The following CELSR1 variants were observed in gnomAD, a reference collection of about 807,000 sequenced individuals.
The protein encoded by CELSR1 is cadherin EGF LAG seven-pass G-type receptor 1.
In CELSR1, 110 loss-of-function variants were observed where a neutral mutation model predicts 249.1. The ratio of observed to expected loss-of-function variants is 0.44; its 90% CI spans 0.38 to 0.52. The LOEUF (loss-of-function observed/expected upper bound fraction) is 0.52, where lower values mean the gene tolerates loss of function less well. Among genes scored for constraint, CELSR1 ranks in the 20% least tolerant of loss-of-function variants. CELSR1 has a pLI of 0.00. For synonymous variants in CELSR1, 2,113 were observed against 1,900.0 expected (o/e 1.11, Z -2.92); for missense variants, 4,109 against 4,296.4 (o/e 0.96, Z 1.22).
In CELSR1 at chr22:46,363,052, T is replaced by G; in HGVS notation, c.*171A>C. 1 of 1,378,854 alleles carries G rather than the reference T, an allele frequency of 7.3e-7. No individual in the cohort carries two copies. The highest frequency in any genetic ancestry group is 1.2e-5 in the South Asian group (1 of 83,792). The allele number at this position is 1,378,854 out of a possible 1,614,324, so 85.4% of individuals were successfully genotyped here. A position where few individuals can be genotyped will look rare whatever the true frequency, so the allele number is the denominator to read the frequency against. On this transcript the variant is annotated 3_prime_UTR_variant, in exon 35 of 35. Coordinates refer to ENST00000674500, the MANE Select transcript of CELSR1 (RefSeq NM_001378328.1). The surrounding 1 kb of genome is among the most constrained non-coding windows in gnomAD (Gnocchi z 4.3). ...AACCAAGACCTTTGTGTCTGGATGA[T>G]CAGTCGGGGGGCTGCCACCATGGGG...
At chr22:46,531,085 G>A (rs1569222566) in intron 1 of CELSR1, among the ~76,000 whole-genome samples, 1 of 152,164 alleles carries the variant, frequency 6.6e-6, no homozygotes, top group Non-Finnish European at 1.5e-5. Context: ...TTTTCTATCC[G>A]GTGCTTTGCT....
Position 46,528,564 on chromosome 22 carries a change from C to T in CELSR1, c.3544+5063G>A, listed in dbSNP as rs76618026. Reference sequence around the variant, plus strand: ...CACACTCAAAGTGAATTAAAAATGACGTGGCCCGGCCACAGATGACTGGAG... The same window carrying T: ...CACACTCAAAGTGAATTAAAAATGATGTGGCCCGGCCACAGATGACTGGAG... On this transcript the variant is annotated intron_variant, in intron 1 of 34. Coordinates refer to ENST00000674500, the MANE Select transcript of CELSR1 (RefSeq NM_001378328.1). Among the ~76,000 whole-genome samples the T allele has an allele frequency of 5.8e-3, 878 of 152,282 alleles. 5 individuals are homozygous for T. The highest frequency in any genetic ancestry group is 0.01 in the Non-Finnish European group (696 of 68,026).
chr22:46,464,295 T>C lies in CELSR1; in HGVS notation c.3595A>G (p.Thr1199Ala), dbSNP rs766536439. The change falls in exon 2 of 35, where the codon ACG becomes GCG. Residue 1199 changes from threonine (T) to alanine (A), a missense_variant. By Grantham distance (58) the Thr-to-Ala change is moderately conservative. This residue lies in a region of CELSR1 where 886 missense variants were observed against 896.5 expected (regional missense o/e 0.99). Coordinates refer to ENST00000674500, the MANE Select transcript of CELSR1 (RefSeq NM_001378328.1). This position sits in a 1 kb window ranked among gnomAD's most constrained non-coding sequence, Gnocchi z 8.5. Reference protein sequence around the residue: ...AFCTLRVTIITDDMLTNSITV... With the variant: ...AFCTLRVTIIADDMLTNSITV... ...ATGCTGTTGGTCAGCATGTCGTCCG[T>C]GATGATGGTGACACGCAGGGTGCAG... The C allele has an allele frequency of 6.2e-7, 1 of 1,613,390 alleles. No homozygotes were observed.
rs549736996 is a variant in CELSR1, at chr22:46,396,901, G to T, written c.5702-155C>A. ...GTGCCACAGAGTCCCCGAAAACACA[G>T]CGTTAGGCGGGTTAGACTTAGTGAT... is the stretch of plus-strand genomic sequence containing the variant. On this transcript the variant is annotated intron_variant, in intron 12 of 34. Coordinates refer to ENST00000674500, the MANE Select transcript of CELSR1 (RefSeq NM_001378328.1). The surrounding 1 kb of genome is among the most constrained non-coding windows in gnomAD (Gnocchi z 6.4). Among the ~76,000 whole-genome samples, 1 of 152,290 alleles carries T rather than the reference G, an allele frequency of 6.6e-6. No homozygotes were observed. Among genetic ancestry groups the T allele is most frequent in the African/African-American group, 2.4e-5 (1 of 41,562 alleles).
rs546400273 is a variant in CELSR1, at chr22:46,473,696, G to A, written c.3545-9351C>T. Among the ~76,000 whole-genome samples, 5 of 152,330 alleles carry A rather than the reference G, an allele frequency of 3.3e-5. No homozygotes were observed. The highest frequency in any genetic ancestry group is 1.2e-4 in the African/African-American group (5 of 41,576). ...AGCTGGTAAGAGACACAGGGTGCGT[G>A]CCTGTCCTTCCCGAGGCCTTCACAG... On this transcript the variant is annotated intron_variant, in intron 1 of 34. Coordinates refer to ENST00000674500, the MANE Select transcript of CELSR1 (RefSeq NM_001378328.1). This position sits in a 1 kb window ranked among gnomAD's most constrained non-coding sequence, Gnocchi z 6.6.
At chr22:46,414,693 G>A (rs146686771) in intron 5 of CELSR1, among the ~76,000 whole-genome samples, 4 of 152,338 alleles carry the variant, frequency 2.6e-5, no homozygotes, top group South Asian at 2.1e-4. Flanking sequence ...GCATGGACAC[G>A]GTGCTGTGGG....
intron 1 of CELSR1, among the ~76,000 whole-genome samples, chr22:46,529,568 C>G (rs562514944): frequency 6.6e-6 from 1 of 151,972 alleles, no homozygotes; most frequent in Non-Finnish European, 1.5e-5. Context: ...TTTGGGAGGC[C>G]AAGGCAGGCA....
At position 46,536,472 on chromosome 22, in the gene CELSR1, G is replaced by T; in HGVS notation, c.699C>A (p.Ala233=). Residue 233 remains alanine, a synonymous_variant, in exon 1 of 35, where the codon GCC becomes GCA. Transcript: ENST00000674500. The stretch of plus-strand genomic sequence containing the variant: ...TCCCTCTGCCGCTCGTGCCCCGCCG[G>T]GCCCGTCGCGCCGGCCCCGCCCGGG... ...PEARAGPARR[A]RRGTSGRGSL... 6.2e-7 allele frequency: 1 copy of T among 1,605,184 alleles called. No homozygotes were observed. The highest frequency in any genetic ancestry group is 1.1e-5 in the South Asian group (1 of 90,562).
At chr22:46,489,762 G>T (rs1391724485) in intron 1 of CELSR1, among the ~76,000 whole-genome samples, 5 of 151,952 alleles carry the variant, frequency 3.3e-5, no homozygotes, top group Non-Finnish European at 7.4e-5. Flanking sequence ...GGGCGTGGTG[G>T]TGCACATCTG....
At position 46,532,998 on chromosome 22, in the gene CELSR1, G is replaced by A. The variant is rs536639817; in HGVS notation, c.3544+629C>T. On this transcript the variant is annotated intron_variant, in intron 1 of 34. Transcript: ENST00000674500. ...ACTAACTGGGCAGGCCTCTTCAACA[G>A]CACCCAAATTACAAGCCCGCATCCA... Among the ~76,000 whole-genome samples, 8 of 152,242 alleles carry A rather than the reference G, an allele frequency of 5.3e-5. No individual in the cohort carries two copies. In the South Asian group the frequency reaches 1.7e-3, roughly 32 times the overall value.
chr22:46,487,381 G>A (rs955690042), intron 1 of CELSR1, among the ~76,000 whole-genome samples: 7 of 149,562 alleles, frequency 4.7e-5, no homozygotes, highest in African/African-American at 7.4e-5. Flanking sequence ...TAAAATTGCT[G>A]TCACTCATTA....
chr22:46,365,833 G>A, intron 30 of CELSR1, 144 bp from the exon 31 acceptor site: 1 of 75,508 alleles, frequency 1.3e-5, no homozygotes, highest in Non-Finnish European at 2.4e-5. Context: ...GTATGTGGGG[G>A]AAAGGTGGTG....
Position 46,536,373 on chromosome 22 carries a change from C to T in CELSR1, c.798G>A (p.Gln266=). The T allele has an allele frequency of 6.2e-7, 1 of 1,612,254 alleles. No homozygotes were observed. Among genetic ancestry groups the T allele is most frequent in the African/African-American group, 1.3e-5 (1 of 75,062 alleles). ...ENEPAGTLIL[Q]LHAHYTIEGE... ...CCTCGATGGTGTAGTGCGCGTGCAG[C>T]TGGAGGATGAGGGTGCCCGCCGGTT... is the stretch of plus-strand genomic sequence containing the variant. The change falls in exon 1 of 35, where the codon CAG becomes CAA. Residue 266 remains glutamine, a synonymous_variant. Transcript: ENST00000674500.
At position 46,526,718 on chromosome 22, in the gene CELSR1, C is replaced by G. The variant is rs550273091; in HGVS notation, c.3544+6909G>C. ...TGCTCCAGCTCCCAAGCAGACTGTTCCCCACCCAGGAGGCTATTCGGGCCA... is the reference window on the plus strand; with the variant it reads ...TGCTCCAGCTCCCAAGCAGACTGTTGCCCACCCAGGAGGCTATTCGGGCCA... On this transcript the variant is annotated intron_variant, in intron 1 of 34. Coordinates refer to ENST00000674500, the MANE Select transcript of CELSR1 (RefSeq NM_001378328.1). This position sits in a 1 kb window ranked among gnomAD's most constrained non-coding sequence, Gnocchi z 4.7. Among the ~76,000 whole-genome samples the G allele has an allele frequency of 1.3e-5, 2 of 152,312 alleles. No individual in the cohort carries two copies. Among genetic ancestry groups the G allele is most frequent in the African/African-American group, 4.8e-5 (2 of 41,570 alleles).
At position 46,397,736 on chromosome 22, in the gene CELSR1, G is replaced by C. The variant is rs1295064700; in HGVS notation, c.5639C>G (p.Pro1880Arg). The change falls in exon 12 of 35, where the codon CCC becomes CGC. Residue 1880 changes from proline to arginine, a missense_variant. By Grantham distance (103) the Pro-to-Arg change is moderately radical. Transcript: ENST00000674500. ...CDVDDPCTSSPCPPNSRCHDA... is the reference protein window; with the variant it reads ...CDVDDPCTSSRCPPNSRCHDA... ...GTGGCAGCGGCTATTGGGGGGACAGGGGCTCGAGGTACAGGGGTCGTCCAC... is the reference window on the plus strand; with the variant it reads ...GTGGCAGCGGCTATTGGGGGGACAGCGGCTCGAGGTACAGGGGTCGTCCAC... The C allele has an allele frequency of 1.2e-5, 19 of 1,590,876 alleles. No individual in the cohort carries two copies. The South Asian group carries it at 1.4e-4, about 12-fold the overall frequency.
At chr22:46,530,548 C>T (rs751574372) in intron 1 of CELSR1, 26 of 152,088 alleles carry the variant, frequency 1.7e-4, no homozygotes, top group Non-Finnish European at 1.3e-4. Context: ...ATAAAAAGTT[C>T]CTATCACAGA....
intron 1 of CELSR1, among the ~76,000 whole-genome samples, chr22:46,478,703 C>T (rs890461122): frequency 3.3e-5 from 4 of 123,054 alleles, no homozygotes; most frequent in African/African-American, 1.2e-4. Context: ...CCACCATGCC[C>T]AGCTAAAATT....
At chr22:46,383,895 C>T (rs2079005027) in intron 20 of CELSR1, among the ~76,000 whole-genome samples, 1 of 152,106 alleles carries the variant, frequency 6.6e-6, no homozygotes, top group Admixed American at 6.6e-5. Flanking sequence ...GTTCTCTTTT[C>T]TTTCTGACAT....
rs957444126 is a variant in CELSR1, at chr22:46,386,477, C to G, written c.6664G>C (p.Gly2222Arg). ...TTGCGTGCCACGTTGCTGAAGTAGC[C>G]CTCGAGGCGCCGGAGCAGCTGTGCC... ...GTAQLLRRLE[G>R]YFSNVARNVR... The change falls in exon 19 of 35, where the codon GGC becomes CGC. Residue 2222 changes from glycine to arginine, a missense_variant. Physicochemically the swap from Gly to Arg is moderately radical, Grantham distance 125. This residue lies in a region of CELSR1 where 1,805 missense variants were observed against 1,831.6 expected (regional missense o/e 0.99). Coordinates refer to ENST00000674500, the MANE Select transcript of CELSR1 (RefSeq NM_001378328.1). 11 of 1,601,698 alleles carry G rather than the reference C, an allele frequency of 6.9e-6. No individual in the cohort carries two copies. The highest frequency in any genetic ancestry group is 9.4e-6 in the Non-Finnish European group (11 of 1,174,990).
Sources: allele counts gnomAD v4.1 joint callset (sites outside exome capture counted in the v4.1 genomes callset), GRCh38; gene constraint gnomAD v4.1.1; regional missense constraint gnomAD v4.1.1; non-coding constraint Gnocchi (gnomAD v3.1); transcripts MANE v1.5; gene names NCBI Gene and HGNC (gene_info 2026-07-23, HGNC 2026-07-21).